AGL: variants seen among roughly 807,000 people sequenced by gnomAD.
The protein encoded by AGL is glycogen debranching enzyme.
In AGL, 128 loss-of-function variants were observed where a neutral mutation model predicts 199.3. That is an observed-to-expected ratio of 0.64 (90% confidence interval 0.56 to 0.74). The LOEUF is 0.74. Ranked by LOEUF, AGL falls within the 30% of genes least tolerant of loss-of-function variation. AGL has a pLI of 0.00. For synonymous variants in AGL, 584 were observed against 594.7 expected, an observed-to-expected ratio of 0.98 and a Z score of 0.26; for missense variants, 1,809 against 1,820.8, an observed-to-expected ratio of 0.99 and a Z score of 0.12.
intron 2 of AGL, among the ~76,000 whole-genome samples, chr1:99,860,682 A>G (rs937952225): frequency 6.6e-6 from 1 of 152,226 alleles, no homozygotes; most frequent in Non-Finnish European, 1.5e-5. Context: ...AGACAGCTTT[A>G]GTAACTAAAC....
chr1:99,916,583 A>C lies in AGL; in HGVS notation c.4348-15A>C. 1 of 1,611,992 alleles carries C rather than the reference A, an allele frequency of 6.2e-7. No homozygotes were observed. Among genetic ancestry groups the C allele is most frequent in the Non-Finnish European group, 8.5e-7 (1 of 1,179,042 alleles). ...TATTTATGGTTTTTTTTGTCTTTTAAATAATCTTTTTTAGGAGTGGCTGTG... is the reference window on the plus strand; with the variant it reads ...TATTTATGGTTTTTTTTGTCTTTTACATAATCTTTTTTAGGAGTGGCTGTG... On this transcript the variant is annotated splice_polypyrimidine_tract_variant and intron_variant, in intron 32 of 33. Transcript: ENST00000361915.
In AGL at chr1:99,891,318, A is replaced by G. The variant is rs1211367569; in HGVS notation, c.2911A>G (p.Ser971Gly). 2 of 1,613,816 alleles carry G rather than the reference A, an allele frequency of 1.2e-6. No homozygotes were observed. Among genetic ancestry groups the G allele is most frequent in the Non-Finnish European group, 1.7e-6 (2 of 1,179,768 alleles). ...RSGDWMIDYVSNRLISRSGTI... is the reference protein window; with the variant it reads ...RSGDWMIDYVGNRLISRSGTI... ...TGGAGATTGGATGATTGACTATGTC[A>G]GTAACCGGCTTATTTCACGATCAGG... Residue 971 changes from serine to glycine, a missense_variant, in exon 22 of 34, where the codon AGT becomes GGT. By Grantham distance (56) the Ser-to-Gly change is moderately conservative. Transcript: ENST00000361915.
chr1:99,913,873 C>A (rs543495599), intron 30 of AGL, 135 bp downstream of exon 30: 73 of 852,374 alleles, frequency 8.6e-5, no homozygotes, highest in Non-Finnish European at 1.4e-4. Context: ...TTTAAATAGT[C>A]TTTCCTAATT....
At chr1:99,883,177 GT>G (rs1652188989) in intron 17 of AGL, among the ~76,000 whole-genome samples, 1 of 151,982 alleles carries the variant, frequency 6.6e-6, no homozygotes, top group Non-Finnish European at 1.5e-5. Context: ...AAGGATAATT[GT>G]TTTTTCTTTT....
intron 27 of AGL, among the ~76,000 whole-genome samples, chr1:99,907,686 G>T (rs7554495): frequency 1.3e-3 from 76 of 59,808 alleles, no homozygotes; most frequent in African/African-American, 1.6e-3. Context: ...GTTTGTTTTT[G>T]TTTTTTGTTT....
intron 33 of AGL, among the ~76,000 whole-genome samples, chr1:99,917,213 G>A (rs1322329269): frequency 6.6e-6 from 1 of 152,106 alleles, no homozygotes; most frequent in Non-Finnish European, 1.5e-5. Context: ...TCAGAGTTAC[G>A]TATCTTTATA....
chr1:99,869,269 A>C (rs1045478684), intron 5 of AGL, among the ~76,000 whole-genome samples: 1 of 152,206 alleles, frequency 6.6e-6, no homozygotes, highest in Non-Finnish European at 1.5e-5. Context: ...AGAATTACCA[A>C]TTTAACTTTT....
chr1:99,913,116 A>G (rs945298239), intron 29 of AGL, among the ~76,000 whole-genome samples: 8 of 152,030 alleles, frequency 5.3e-5, no homozygotes, highest in African/African-American at 1.9e-4. Flanking sequence ...GCTACTTGAG[A>G]GGCTGAGGTG....
At chr1:99,859,805 G>A (rs1446595543) in intron 2 of AGL, among the ~76,000 whole-genome samples, 1 of 152,178 alleles carries the variant, frequency 6.6e-6, no homozygotes, top group East Asian at 1.9e-4. Context: ...GCCTCCCAGA[G>A]TGTTGAGATT....
rs1650314821 is a variant in AGL at position 99,864,253 on chromosome 1, G to A, written c.461-133G>A. ...AGTTAGGATTTGAACCCAAGTGTTT[G>A]ACCTCTTTTCCAGTAGCATGCTTGC... On this transcript the variant is annotated intron_variant, in intron 4 of 33. Coordinates refer to ENST00000361915, the MANE Select transcript of AGL (RefSeq NM_000642.3). 5 of 799,212 alleles carry A rather than the reference G, an allele frequency of 6.3e-6. No homozygotes were observed. In the East Asian group the frequency reaches 1.3e-4, roughly 21 times the overall value. The allele number at this position is 799,212 out of a possible 1,614,324, so 49.5% of individuals were successfully genotyped here.
At chr1:99,851,736 T>G (rs985529154) in intron 2 of AGL, among the ~76,000 whole-genome samples, 54 of 152,348 alleles carry the variant, frequency 3.5e-4, no homozygotes, top group African/African-American at 1.3e-3. Flanking sequence ...GGCTAGTTAA[T>G]AGATGTTTTA....
In AGL at chr1:99,870,864, C is replaced by G; in HGVS notation, c.953C>G (p.Thr318Arg). 1 of 1,570,412 alleles carries G rather than the reference C, an allele frequency of 6.4e-7. No homozygotes were observed. Among genetic ancestry groups the G allele is most frequent in the Non-Finnish European group, 8.8e-7 (1 of 1,140,910 alleles). The change falls in exon 7 of 34, where the codon ACA becomes AGA. Residue 318 changes from threonine (T) to arginine (R), a missense_variant. Thr to Arg is a moderately conservative substitution (Grantham distance 71). Transcript: ENST00000361915. ...GTTGAGCAATTTAGAAGACTTCTTA[C>G]ACAAGGTAAAGGATACATACTAGAA... ...KAVEQFRRLL[T>R]QENRRVTKSD...
chr1:99,865,953 C>T (rs1314105697), intron 5 of AGL, among the ~76,000 whole-genome samples: 1 of 152,132 alleles, frequency 6.6e-6, no homozygotes, highest in Non-Finnish European at 1.5e-5. Flanking sequence ...CCTAAGAACT[C>T]AGTATTCTTC....
chr1:99,872,934 A>G (rs919626789), intron 7 of AGL, among the ~76,000 whole-genome samples: 6 of 151,964 alleles, frequency 3.9e-5, no homozygotes, highest in African/African-American at 7.3e-5. Context: ...TCATTTTTCT[A>G]TTGAGTTGTC....
In AGL at chr1:99,851,048, A is replaced by C; in HGVS notation, c.6A>C (p.Gly2=). The part of the protein sequence containing the change: M[G]HSKQIRILLL... ...CAAATCCTCTAGAAGCCAAAATGGGACACAGTAAACAGATTCGAATTTTAC... is the reference window on the plus strand; with the variant it reads ...CAAATCCTCTAGAAGCCAAAATGGGCCACAGTAAACAGATTCGAATTTTAC... Residue 2 remains glycine (G), a synonymous_variant, in exon 2 of 34, where the codon GGA becomes GGC. Transcript: ENST00000361915. The C allele has an allele frequency of 1.2e-6, 2 of 1,613,810 alleles. No individual in the cohort carries two copies. The highest frequency in any genetic ancestry group is 8.5e-7 in the Non-Finnish European group (1 of 1,179,718).
intron 17 of AGL, among the ~76,000 whole-genome samples, chr1:99,883,429 G>A (rs961007171): frequency 2.0e-5 from 3 of 152,022 alleles, no homozygotes; most frequent in African/African-American, 7.2e-5. Context: ...AGAAAAATTA[G>A]AGACAACCTT....
At chr1:99,874,958 T>G in intron 8 of AGL, 148 bp downstream of exon 8, 1 of 1,155,662 alleles carries the variant, frequency 8.7e-7, no homozygotes, top group Non-Finnish European at 1.2e-6. Context: ...CACATGACAT[T>G]TTCCCACTTT....
Position 99,854,392 on chromosome 1 carries a change from C to T in AGL, c.82+3268C>T, listed in dbSNP as rs968406595. Among the ~76,000 whole-genome samples, 5 of 152,196 alleles carry T rather than the reference C, an allele frequency of 3.3e-5. No homozygotes were observed. In the East Asian group the frequency reaches 5.8e-4, roughly 18 times the overall value. ...TTGACTTTATAACTCTGGTTAAAAC[C>T]GGTAAATGTATCCAAATGTTATAAA... On this transcript the variant is annotated intron_variant, in intron 2 of 33. Coordinates refer to ENST00000361915, the MANE Select transcript of AGL (RefSeq NM_000642.3).
At chr1:99,884,518 T>C (rs1020112101) in intron 19 of AGL, 51 bp from the exon 20 acceptor site, 2 of 1,607,902 alleles carry the variant, frequency 1.2e-6, no homozygotes, top group African/African-American at 2.7e-5. Flanking sequence ...TCCTGTTAAA[T>C]TTGAATAAAT....
Sources: allele counts gnomAD v4.1 joint callset (sites outside exome capture counted in the v4.1 genomes callset), GRCh38; gene constraint gnomAD v4.1.1; transcripts MANE v1.5; gene names NCBI Gene and HGNC (gene_info 2026-07-23, HGNC 2026-07-21).